Variants in PDSS2 observed in about 807,000 individuals in gnomAD.
The protein encoded by PDSS2 is decaprenyl diphosphate synthase subunit 2.
Under a neutral mutation model 44.5 loss-of-function variants are expected in PDSS2, and 31 were observed. The ratio of observed to expected loss-of-function variants is 0.70; its 90% CI spans 0.52 to 0.94. The LOEUF (loss-of-function observed/expected upper bound fraction) is 0.94. PDSS2 is among the 40% of genes least tolerant of loss of function. The pLI is 0.00. For synonymous variants in PDSS2, 157 were observed against 180.3 expected (o/e 0.87, Z 1.03); for missense variants, 452 against 482.2 (o/e 0.94, Z 0.59).
At chr6:107,404,976 A>T (rs1780265257) in intron 1 of PDSS2, among the ~76,000 whole-genome samples, 1 of 152,232 alleles carries the variant, frequency 6.6e-6, no homozygotes, top group African/African-American at 2.4e-5. Context: ...ACTTCAACAC[A>T]GAGTCATCAG....
At chr6:107,392,687 T>G (rs986845622) in intron 1 of PDSS2, among the ~76,000 whole-genome samples, 1 of 152,146 alleles carries the variant, frequency 6.6e-6, no homozygotes, top group African/African-American at 2.4e-5. Flanking sequence ...TCCTCTTCCT[T>G]TTAGTCTCAG....
At chr6:107,217,349 G>C (rs1313155170) in intron 4 of PDSS2, among the ~76,000 whole-genome samples, 7 of 152,146 alleles carry the variant, frequency 4.6e-5, no homozygotes, top group African/African-American at 1.7e-4. Flanking sequence ...TGTAATCATA[G>C]TAGTCCTTAT....
chr6:107,326,768 T>A (rs2115198686), intron 2 of PDSS2, among the ~76,000 whole-genome samples: 1 of 151,556 alleles, frequency 6.6e-6, no homozygotes, highest in Middle Eastern at 3.4e-3. Flanking sequence ...AGGAGAATCA[T>A]CTGAACCTGG....
intron 6 of PDSS2, among the ~76,000 whole-genome samples, chr6:107,195,695 G>A (rs1389245385): frequency 6.7e-6 from 1 of 150,166 alleles, no homozygotes; most frequent in Non-Finnish European, 1.5e-5. Context: ...GAGTAGCTGG[G>A]ATTACAGGCA....
chr6:107,333,957 TAAATGCCC>T (rs988732215), intron 2 of PDSS2, among the ~76,000 whole-genome samples: 8 of 152,176 alleles, frequency 5.3e-5, no homozygotes, highest in Non-Finnish European at 1.0e-4. Flanking sequence ...CAGAAAATTT[TAAATGCCC>T]AAAGTAGAAA....
chr6:107,383,298 CAAAAAAAAAAAAAA>C (rs35910650), intron 1 of PDSS2, among the ~76,000 whole-genome samples: 4 of 28,430 alleles, frequency 1.4e-4, no homozygotes, highest in Admixed American at 6.0e-4. Context: ...GACTCCATCT[CAAAAAAAAAAAAAA>C]AAAAAAAAAA....
chr6:107,426,456 G>C (rs1257703391), intron 1 of PDSS2, among the ~76,000 whole-genome samples: 1 of 152,236 alleles, frequency 6.6e-6, no homozygotes, highest in African/African-American at 2.4e-5. Flanking sequence ...CTGCAGAAGG[G>C]AAATGTAGGG....
intron 1 of PDSS2, among the ~76,000 whole-genome samples, chr6:107,383,434 A>T (rs1444942443): frequency 6.6e-6 from 1 of 152,018 alleles, no homozygotes; most frequent in Non-Finnish European, 1.5e-5. Context: ...TAGACACAGC[A>T]TGAGAAACAA....
chr6:107,452,389 C>A (rs1433061670), intron 1 of PDSS2, among the ~76,000 whole-genome samples: 1 of 151,916 alleles, frequency 6.6e-6, no homozygotes, highest in Non-Finnish European at 1.5e-5. Flanking sequence ...CCCACCACCA[C>A]ACCGGCTAAT....
intron 1 of PDSS2, among the ~76,000 whole-genome samples, chr6:107,414,726 A>G (rs1450758667): frequency 1.3e-5 from 2 of 152,254 alleles, no homozygotes; most frequent in Non-Finnish European, 1.5e-5. Context: ...AGGAAAGTAA[A>G]GGTATTCAAG....
At position 107,459,019 on chromosome 6, in the gene PDSS2, G is replaced by C; in HGVS notation, c.267C>G (p.Gly89=). The C allele has an allele frequency of 6.2e-7, 1 of 1,614,102 alleles. No individual in the cohort carries two copies. The highest frequency in any genetic ancestry group is 8.5e-7 in the Non-Finnish European group (1 of 1,179,992). ...NIAMQVRKLV[G]TQHPLLTTAR... is the part of the protein sequence containing the mutation. ...CTGTGGTAAGCAGAGGGTGCTGAGT[G>C]CCCACCAGCTTCCGCACCTGCATAG... Residue 89 remains glycine (G), a synonymous_variant, in exon 1 of 8, where the codon GGC becomes GGG. Transcript: ENST00000369037. The surrounding 1 kb of genome is among the most constrained non-coding windows in gnomAD (Gnocchi z 4.3).
At chr6:107,222,950 A>T (rs1231072895) in intron 4 of PDSS2, among the ~76,000 whole-genome samples, 114 of 141,752 alleles carry the variant, frequency 8.0e-4, no homozygotes, top group South Asian at 2.5e-3. Context: ...TACAAAAAAA[A>T]TTTTTTTTTT....
intron 1 of PDSS2, among the ~76,000 whole-genome samples, chr6:107,406,275 C>A (rs915246505): frequency 1.3e-5 from 2 of 151,974 alleles, no homozygotes; most frequent in Admixed American, 6.6e-5. Context: ...AAATTGGTTC[C>A]AAATGTTATT....
At chr6:107,179,233 A>G (rs1021043782) in intron 7 of PDSS2, among the ~76,000 whole-genome samples, 3 of 152,140 alleles carry the variant, frequency 2.0e-5, no homozygotes, top group Admixed American at 1.3e-4. Flanking sequence ...ACACTAATCA[A>G]TCTTCAGAGG....
At chr6:107,334,119 T>C in intron 2 of PDSS2, 79 bp downstream of exon 2, 3 of 1,192,368 alleles carry the variant, frequency 2.5e-6, no homozygotes, top group South Asian at 1.2e-5. Flanking sequence ...TGACAAAGAA[T>C]GGTGATTTCC....
At chr6:107,297,877 CT>C (rs1240523073) in intron 2 of PDSS2, among the ~76,000 whole-genome samples, 1 of 151,998 alleles carries the variant, frequency 6.6e-6, no homozygotes, top group Non-Finnish European at 1.5e-5. Context: ...ACCCGAGTAG[CT>C]GGGATTATAG....
At chr6:107,269,354 G>A (rs931259599) in intron 3 of PDSS2, among the ~76,000 whole-genome samples, 1 of 151,378 alleles carries the variant, frequency 6.6e-6, no homozygotes, top group East Asian at 1.9e-4. Context: ...GTGTGTGTGT[G>A]TGTGTGTGTG....
chr6:107,332,463 A>G (rs1777742689), intron 2 of PDSS2, among the ~76,000 whole-genome samples: 1 of 152,336 alleles, frequency 6.6e-6, no homozygotes, highest in East Asian at 1.9e-4. Context: ...ATGTAGATGT[A>G]CTAAAGATGT....
chr6:107,270,169 C>A (rs1003161781), intron 3 of PDSS2, among the ~76,000 whole-genome samples: 2 of 151,948 alleles, frequency 1.3e-5, no homozygotes, highest in Non-Finnish European at 2.9e-5. Flanking sequence ...AGTGCAATGG[C>A]GTGATCTTGG....
Sources: gnomAD v4.1 joint callset for allele counts (sites outside exome capture counted in the v4.1 genomes callset) on GRCh38, gnomAD v4.1.1 for gene constraint, Gnocchi (gnomAD v3.1) non-coding constraint, MANE v1.5 for transcripts, NCBI Gene and HGNC (gene_info 2026-07-23, HGNC 2026-07-21) for gene names.